Variants in PRLR observed in about 807,000 individuals in gnomAD.
PRLR encodes the protein prolactin receptor, also known as hPRL receptor.
Under a neutral mutation model 40.2 loss-of-function variants are expected in PRLR, and 13 were observed. That is an observed-to-expected ratio of 0.32 (90% CI 0.21 to 0.51). The LOEUF (loss-of-function observed/expected upper bound fraction) is 0.51. Among genes scored for constraint, PRLR ranks in the 20% least tolerant of loss-of-function variants. The pLI, the probability that PRLR is intolerant of heterozygous loss-of-function variation, is 0.97. For missense variants in PRLR, 656 were observed against 747.3 expected (o/e 0.88, Z 1.42); for synonymous variants, 269 against 278.7 (o/e 0.97, Z 0.35).
rs1357672375 is a variant in PRLR at position 35,061,556 on chromosome 5, G to T, written c.*3533C>A. 6.6e-6 allele frequency: 1 copy of T among 152,156 alleles called. No individual in the cohort carries two copies. The highest frequency in any genetic ancestry group is 1.5e-5 in the Non-Finnish European group (1 of 68,048). The allele number at this position is 152,156 out of a possible 1,614,324, so 9.4% of individuals were successfully genotyped here. On this transcript the variant is annotated 3_prime_UTR_variant, in exon 10 of 10. Transcript: ENST00000618457. Reference sequence around the variant, plus strand: ...TAAGTGACTACCAGGATTGGTCTTAGGCACTTAGGAAAATGTAGAGTCTGT... The same window carrying T: ...TAAGTGACTACCAGGATTGGTCTTATGCACTTAGGAAAATGTAGAGTCTGT...
chr5:35,116,050 C>A (rs534761591), intron 2 of PRLR, among the ~76,000 whole-genome samples: 2 of 152,236 alleles, frequency 1.3e-5, no homozygotes, highest in South Asian at 4.1e-4. Flanking sequence ...CCTGTGATTT[C>A]ACAGATAGCC....
At chr5:35,052,375 A>G (rs1010558693), downstream of PRLR, among the ~76,000 whole-genome samples, 4 of 152,238 alleles carry the variant, frequency 2.6e-5, no homozygotes, top group African/African-American at 9.6e-5. Flanking sequence ...GTAGAAAAAA[A>G]TTTGAGAAGT....
chr5:35,176,442 C>T (rs1027158962), intron 1 of PRLR, among the ~76,000 whole-genome samples: 39 of 152,084 alleles, frequency 2.6e-4, no homozygotes, highest in African/African-American at 8.7e-4. Flanking sequence ...AAGAAGTAGA[C>T]ATAGGAGACT....
intron 1 of PRLR, among the ~76,000 whole-genome samples, chr5:35,130,963 G>A (rs1300949366): frequency 6.6e-6 from 1 of 152,164 alleles, no homozygotes; most frequent in Non-Finnish European, 1.5e-5. Flanking sequence ...GTGAGGCAAG[G>A]GAGGACTCCA....
intron 2 of PRLR, among the ~76,000 whole-genome samples, chr5:35,113,994 C>T (rs893545760): frequency 1.3e-5 from 2 of 152,184 alleles, no homozygotes; most frequent in South Asian, 2.1e-4. Flanking sequence ...AGGTATCAGT[C>T]TAAGCTAACC....
intron 2 of PRLR, among the ~76,000 whole-genome samples, chr5:35,091,042 G>A (rs1467773564): frequency 6.6e-6 from 1 of 151,758 alleles, no homozygotes; most frequent in Admixed American, 6.6e-5. Flanking sequence ...TCGCTCTCCT[G>A]AACTCGTGAT....
At chr5:35,076,157 C>T (rs1313888365) in intron 5 of PRLR, among the ~76,000 whole-genome samples, 3 of 152,220 alleles carry the variant, frequency 2.0e-5, no homozygotes, top group Admixed American at 6.5e-5. Flanking sequence ...AATGCAGTTC[C>T]TCGCCAGCAA....
chr5:35,140,940 C>T (rs1488176987), intron 1 of PRLR, among the ~76,000 whole-genome samples: 3 of 152,204 alleles, frequency 2.0e-5, no homozygotes, highest in Non-Finnish European at 2.9e-5. Flanking sequence ...TCCAGCCTCC[C>T]CTCCTACATC....
chr5:35,135,733 G>A (rs953655588), intron 1 of PRLR, among the ~76,000 whole-genome samples: 4 of 152,126 alleles, frequency 2.6e-5, no homozygotes, highest in African/African-American at 9.7e-5. Context: ...GTTAGACGCG[G>A]CAATCACGAT....
chr5:35,153,786 A>G (rs1299880539), intron 1 of PRLR, among the ~76,000 whole-genome samples: 1 of 151,344 alleles, frequency 6.6e-6, no homozygotes, highest in Non-Finnish European at 1.5e-5. Context: ...CCCCATTGTT[A>G]TTTCTGCAAG....
intron 1 of PRLR, among the ~76,000 whole-genome samples, chr5:35,208,177 G>A (rs1604419): frequency 0.42 from 36,502 of 87,028 alleles, 5,291 homozygotes; most frequent in African/African-American, 0.55. Context: ...CCACGCGCGC[G>A]CACACACACA....
chr5:35,138,029 TAAAG>T (rs1455377967), intron 1 of PRLR, among the ~76,000 whole-genome samples: 4 of 152,216 alleles, frequency 2.6e-5, no homozygotes, highest in Non-Finnish European at 5.9e-5. Flanking sequence ...CACACATACT[TAAAG>T]AGAGTATAGT....
chr5:35,187,750 G>A (rs1457269949), intron 1 of PRLR, among the ~76,000 whole-genome samples: 1 of 152,188 alleles, frequency 6.6e-6, no homozygotes, highest in Non-Finnish European at 1.5e-5. Flanking sequence ...GGGGCAGCAG[G>A]ATCAGAGTAG....
At chr5:35,131,044 G>C (rs566569968) in intron 1 of PRLR, among the ~76,000 whole-genome samples, 2 of 152,260 alleles carry the variant, frequency 1.3e-5, no homozygotes, top group African/African-American at 4.8e-5. Context: ...AGAAGTGTCG[G>C]AAAATACATT....
At chr5:35,146,944 T>TA (rs1165880572) in intron 1 of PRLR, among the ~76,000 whole-genome samples, 12 of 151,840 alleles carry the variant, frequency 7.9e-5, no homozygotes, top group Admixed American at 1.3e-4. Context: ...TCTACCCACT[T>TA]CACCACACAC....
intron 6 of PRLR, among the ~76,000 whole-genome samples, chr5:35,071,659 A>G (rs1351991082): frequency 6.6e-6 from 1 of 152,128 alleles, no homozygotes; most frequent in Non-Finnish European, 1.5e-5. Context: ...GCACAATGGC[A>G]TGACCTCAGC....
rs1015181623 is a variant in PRLR at position 35,058,148 on chromosome 5, A to C, written c.*6941T>G. The C allele has an allele frequency of 5.3e-5, 8 of 152,056 alleles. No homozygotes were observed. Among genetic ancestry groups the C allele is most frequent in the African/African-American group, 1.2e-4 (5 of 41,438 alleles). 9.4% of individuals were successfully genotyped at this position (152,056 alleles called of 1,614,324 possible). A position where few individuals can be genotyped will look rare whatever the true frequency, so the allele number is the denominator to read the frequency against. On this transcript the variant is annotated 3_prime_UTR_variant, in exon 10 of 10. Transcript: ENST00000618457. ...TGAATTAGAAGGTGTTAAAAAAAAA[A>C]CCCAGCAACTTAATTATAAAACAAT...
intron 1 of PRLR, among the ~76,000 whole-genome samples, chr5:35,180,624 TC>T (rs1394436888): frequency 6.6e-6 from 1 of 152,090 alleles, no homozygotes. Context: ...CTAGGGTACA[TC>T]TGCACAACGT....
At chr5:35,090,595 T>C (rs909765128) in intron 2 of PRLR, among the ~76,000 whole-genome samples, 5 of 151,872 alleles carry the variant, frequency 3.3e-5, no homozygotes, top group Non-Finnish European at 5.9e-5. Context: ...GTTGTTGTTG[T>C]TGTTGTTGTT....
Sources: allele counts gnomAD v4.1 joint callset (sites outside exome capture counted in the v4.1 genomes callset), GRCh38; gene constraint gnomAD v4.1.1; transcripts MANE v1.5; gene names NCBI Gene and HGNC (gene_info 2026-07-23, HGNC 2026-07-21).